The following NCOA7 variants were observed in gnomAD, a reference collection of about 807,000 sequenced individuals.
NCOA7 encodes nuclear receptor coactivator 7.
NCOA7 carries 45 observed loss-of-function variants against 104.3 expected under a neutral mutation model. The ratio of observed to expected loss-of-function variants is 0.43; its 90% CI spans 0.34 to 0.55. The LOEUF is 0.55. Ranked by LOEUF, NCOA7 falls within the 20% of genes least tolerant of loss-of-function variation. The probability of loss-of-function intolerance (pLI) is 0.02; values close to 1 mark genes in which losing one functional copy is unlikely to be tolerated. For missense variants in NCOA7, 1,041 were observed against 1,119.7 expected, an observed-to-expected ratio of 0.93 and a Z score of 1.00; for synonymous variants, 398 against 402.3, an observed-to-expected ratio of 0.99 and a Z score of 0.13.
intron 7 of NCOA7, among the ~76,000 whole-genome samples, chr6:125,884,683 G>A (rs560211003): frequency 1.3e-5 from 2 of 152,276 alleles, no homozygotes; most frequent in Admixed American, 6.5e-5. Flanking sequence ...AAAATATTGG[G>A]ACTATTCTTT....
chr6:125,797,522 T>C lies in NCOA7; in HGVS notation c.-65+6455T>C, dbSNP rs932128499. On this transcript the variant is annotated intron_variant, in intron 1 of 15. Transcript: ENST00000392477. The stretch of plus-strand genomic sequence containing the variant: ...AATTTGTGAGATGAATCCAAAGGTC[T>C]GAGATCCCTTAAGAGCTTTCATGTT... 7.2e-5 allele frequency among the ~76,000 whole-genome samples: 11 copies of C among 152,222 alleles called. 1 individual carries two copies. The highest frequency in any genetic ancestry group is 1.6e-4 in the Non-Finnish European group (11 of 68,042).
intron 2 of NCOA7, among the ~76,000 whole-genome samples, chr6:125,819,164 A>G (rs573853264): frequency 1.9e-4 from 29 of 152,128 alleles, no homozygotes; most frequent in African/African-American, 6.7e-4. Flanking sequence ...TTTGTGTGCT[A>G]TCTTATCATG....
intron 2 of NCOA7, among the ~76,000 whole-genome samples, chr6:125,846,009 C>T (rs546358272): frequency 5.9e-5 from 9 of 152,028 alleles, no homozygotes; most frequent in East Asian, 3.9e-4. Flanking sequence ...CCTACAGAGG[C>T]GATTTTAAGG....
At chr6:125,883,501 C>T (rs1052171348) in intron 7 of NCOA7, among the ~76,000 whole-genome samples, 1 of 152,072 alleles carries the variant, frequency 6.6e-6, no homozygotes, top group African/African-American at 2.4e-5. Flanking sequence ...ACTCCATAAC[C>T]ATTAGTAGTT....
chr6:125,802,943 T>C (rs1044503219), intron 1 of NCOA7, among the ~76,000 whole-genome samples: 2 of 152,258 alleles, frequency 1.3e-5, no homozygotes, highest in African/African-American at 4.8e-5. Context: ...ACACTTTTTC[T>C]TATGTCTTGT....
chr6:125,848,394 C>T (rs1281060933), intron 2 of NCOA7, among the ~76,000 whole-genome samples: 9 of 152,132 alleles, frequency 5.9e-5, no homozygotes, highest in Non-Finnish European at 1.2e-4. Flanking sequence ...AGACTTGGAA[C>T]CAACCCAAAT....
In NCOA7 at chr6:125,889,785, G is replaced by A. The variant is rs2128658425; in HGVS notation, c.1731G>A (p.Glu577=). Residue 577 remains glutamate (E), a synonymous_variant, in exon 9 of 16, where the codon GAG becomes GAA. Transcript: ENST00000392477. ...AGDPITEGNK[E]PDKTWVKKGE... ...ATCCCATAACTGAGGGCAATAAAGA[G>A]CCAGATAAGACCTGGGTGAAAAAGG... The A allele has an allele frequency of 6.2e-7, 1 of 1,612,144 alleles. No individual in the cohort carries two copies. Among genetic ancestry groups the A allele is most frequent in the South Asian group, 1.1e-5 (1 of 90,734 alleles).
chr6:125,889,583 C>T lies in NCOA7; in HGVS notation c.1529C>T (p.Thr510Ile). 1 of 1,613,908 alleles carries T rather than the reference C, an allele frequency of 6.2e-7. No individual in the cohort carries two copies. The highest frequency in any genetic ancestry group is 8.5e-7 in the Non-Finnish European group (1 of 1,179,962). ...SGSPESRVEN[T>I]LNIHEDLDKV... ...TCGCCAGAAAGCCGAGTAGAAAACA[C>T]ACTGAACATACATGAAGATTTAGAT... Residue 510 changes from threonine to isoleucine, a missense_variant, in exon 9 of 16, where the codon ACA (threonine) becomes ATA (isoleucine). Physicochemically the swap from Thr to Ile is moderately conservative, Grantham distance 89. This residue lies in a region of NCOA7 where 914 missense variants were observed against 942.7 expected (regional missense o/e 0.97). Coordinates refer to ENST00000392477, the MANE Select transcript of NCOA7 (RefSeq NM_181782.5).
chr6:125,913,793 G>C, intron 10 of NCOA7: 4 of 337,812 alleles, frequency 1.2e-5, no homozygotes, highest in Non-Finnish European at 1.7e-5. Flanking sequence ...CTTACATAAA[G>C]ACTCCCACAA....
At chr6:125,858,474 C>A (rs1372922445) in intron 3 of NCOA7, among the ~76,000 whole-genome samples, 8 of 151,610 alleles carry the variant, frequency 5.3e-5, no homozygotes, top group Non-Finnish European at 1.2e-4. Context: ...GATCCTGCCT[C>A]TACAAAAAAT....
chr6:125,911,643 G>A (rs1205030861), intron 10 of NCOA7, among the ~76,000 whole-genome samples: 1 of 152,180 alleles, frequency 6.6e-6, no homozygotes, highest in African/African-American at 2.4e-5. Flanking sequence ...TGCTGAATAG[G>A]GGCAATGATA....
rs1026311100 is a variant in NCOA7, at chr6:125,864,275, A to G, written c.271+9035A>G. On this transcript the variant is annotated intron_variant, in intron 3 of 15. Coordinates refer to ENST00000392477, the MANE Select transcript of NCOA7 (RefSeq NM_181782.5). Reference sequence around the variant, plus strand: ...ATGATATGGGAAATTTTCACCAAATACTACAGTAAAAAAGTCGGTTGACAA... The same window carrying G: ...ATGATATGGGAAATTTTCACCAAATGCTACAGTAAAAAAGTCGGTTGACAA... Among the ~76,000 whole-genome samples, 19 of 137,812 alleles carry G rather than the reference A, an allele frequency of 1.4e-4. 4 individuals are homozygous for G. The highest frequency in any genetic ancestry group is 5.8e-4 in the African/African-American group (19 of 32,950). 90.4% of individuals were successfully genotyped at this position (137,812 alleles called of 152,430 possible).
intron 4 of NCOA7, among the ~76,000 whole-genome samples, chr6:125,876,936 T>G (rs1583440539): frequency 6.6e-6 from 1 of 152,314 alleles, no homozygotes; most frequent in East Asian, 1.9e-4. Flanking sequence ...TGCAGATTGT[T>G]AAAGTTTTTC....
intron 1 of NCOA7, among the ~76,000 whole-genome samples, chr6:125,811,984 T>A (rs575673557): frequency 2.5e-3 from 381 of 152,324 alleles, no homozygotes; most frequent in Non-Finnish European, 4.7e-3. Flanking sequence ...GGATTTAAAT[T>A]GCTGCCGCAC....
intron 14 of NCOA7, 24 bp downstream of exon 14, chr6:125,927,782 AACTCCCATATGTC>A (rs778303954): frequency 6.4e-7 from 1 of 1,551,498 alleles, no homozygotes; most frequent in Non-Finnish European, 8.9e-7. Context: ...AGAAATATCC[AACTCCCATATGTC>A]ACAGTGTCCT....
At chr6:125,820,842 G>T (rs1291214768) in intron 2 of NCOA7, among the ~76,000 whole-genome samples, 6 of 152,142 alleles carry the variant, frequency 3.9e-5, no homozygotes, top group Admixed American at 3.9e-4. Context: ...TTTGCTATAA[G>T]CACAGTTAGT....
intron 1 of NCOA7, among the ~76,000 whole-genome samples, chr6:125,799,171 G>C (rs1775632405): frequency 6.6e-6 from 1 of 152,090 alleles, no homozygotes; most frequent in South Asian, 2.1e-4. Flanking sequence ...CTCTTCCCCT[G>C]CATGAACTTG....
intron 12 of NCOA7, among the ~76,000 whole-genome samples, chr6:125,921,548 C>A (rs541596203): frequency 4.6e-5 from 7 of 152,164 alleles, no homozygotes; most frequent in Non-Finnish European, 8.8e-5. Flanking sequence ...AGTCGCATTC[C>A]CTGCTGACTT....
intron 10 of NCOA7, among the ~76,000 whole-genome samples, chr6:125,905,454 G>A (rs940125921): frequency 6.6e-6 from 1 of 152,070 alleles, no homozygotes; most frequent in Non-Finnish European, 1.5e-5. Context: ...AAGAGATGGG[G>A]TTTCACCATG....
Sources: allele counts gnomAD v4.1 joint callset (sites outside exome capture counted in the v4.1 genomes callset), GRCh38; gene constraint gnomAD v4.1.1; regional missense constraint gnomAD v4.1.1; transcripts MANE v1.5; gene names NCBI Gene and HGNC (gene_info 2026-07-23, HGNC 2026-07-21).